Variants in TRIM67 observed in about 807,000 individuals in gnomAD.
TRIM67 encodes tripartite motif containing 67.
TRIM67 carries 39 observed loss-of-function variants against 71.0 expected under a neutral mutation model. The observed-to-expected ratio is 0.55, with a 90% CI of 0.43 to 0.72. The LOEUF (loss-of-function observed/expected upper bound fraction) is 0.72, where lower values mean the gene tolerates loss of function less well. TRIM67 is among the 30% of genes least tolerant of loss of function. The pLI, the probability that TRIM67 is intolerant of heterozygous loss-of-function variation, is 0.00. For missense variants in TRIM67, 973 were observed against 1,079.2 expected (o/e 0.90, Z 1.38); for synonymous variants, 481 against 473.9 (o/e 1.01, Z -0.19).
At chr1:231,170,908 TAA>T (rs891134042) in intron 1 of TRIM67, among the ~76,000 whole-genome samples, 26 of 152,324 alleles carry the variant, frequency 1.7e-4, no homozygotes, top group Admixed American at 1.6e-3. Context: ...GGTCGCAATC[TAA>T]GTGTGGGCCT....
chr1:231,199,254 G>A lies in TRIM67; in HGVS notation c.1263+85G>A, dbSNP rs562054231. 1.6e-5 allele frequency: 21 copies of A among 1,302,152 alleles called. No homozygotes were observed. The South Asian group carries it at 2.4e-4, about 15-fold the overall frequency. 80.7% of individuals were successfully genotyped at this position (1,302,152 alleles called of 1,614,324 possible). ...GGTGGAGCACAGAGTAGGCACTGGG[G>A]AAATAACAGCTAAGTGAGTGAATGA... On this transcript the variant is annotated intron_variant, in intron 3 of 9. Coordinates refer to ENST00000366653, the MANE Select transcript of TRIM67 (RefSeq NM_001004342.5).
rs1179088288 is a variant in TRIM67 at position 231,209,010 on chromosome 1, A to G, written c.1883A>G (p.Gln628Arg). ...GACATCATTTTATCCAATGACAACC[A>G]GACAGCCACCTGCAGCAGCTATGAC... ...HRDIILSNDN[Q>R]TATCSSYDDR... Residue 628 changes from glutamine to arginine, a missense_variant, in exon 8 of 10, where the codon CAG (glutamine) becomes CGG (arginine). By Grantham distance (43) the Gln-to-Arg change is conservative (BLOSUM62 1). Transcript: ENST00000366653. The surrounding 1 kb of genome is among the most constrained non-coding windows in gnomAD (Gnocchi z 4.1). 9.3e-6 allele frequency: 15 copies of G among 1,612,436 alleles called. 1 individual carries two copies. In the South Asian group the frequency reaches 1.6e-4, roughly 18 times the overall value.
intron 6 of TRIM67, among the ~76,000 whole-genome samples, chr1:231,205,721 G>A (rs1285431798): frequency 2.2e-5 from 3 of 134,008 alleles, no homozygotes; most frequent in African/African-American, 9.5e-5. Flanking sequence ...GTAAGACTCT[G>A]TCTCAAAAAA....
At chr1:231,189,813 A>G (rs1025144987) in intron 1 of TRIM67, among the ~76,000 whole-genome samples, 1 of 152,100 alleles carries the variant, frequency 6.6e-6, no homozygotes, top group African/African-American at 2.4e-5. Context: ...AGGATTCAAC[A>G]TATGAATCTG....
In TRIM67 at chr1:231,213,876, A is replaced by G; in HGVS notation, c.2185A>G (p.Thr729Ala). The change falls in exon 9 of 10, where the codon ACT becomes GCT. Residue 729 changes from threonine to alanine, a missense_variant. Transcript: ENST00000366653. ...VGVLLDLNKHTLTFFINGQQQ... is the reference protein window; with the variant it reads ...VGVLLDLNKHALTFFINGQQQ... ...CGTGCTGCTGGACCTGAATAAGCAC[A>G]CTCTCACCTTCTTCATCAACGGGCA... The G allele has an allele frequency of 6.2e-7, 1 of 1,613,558 alleles. No individual in the cohort carries two copies. The highest frequency in any genetic ancestry group is 1.1e-5 in the South Asian group (1 of 91,058).
chr1:231,207,021 G>A (rs1397076700), intron 7 of TRIM67, among the ~76,000 whole-genome samples: 1 of 152,188 alleles, frequency 6.6e-6, no homozygotes, highest in Non-Finnish European at 1.5e-5. Context: ...GGGAAAGGAT[G>A]AGCTGCTGAA....
In TRIM67 at chr1:231,162,984, G is replaced by A. The variant is rs746815875; in HGVS notation, c.15G>A (p.Leu5=). 1 of 1,612,232 alleles carries A rather than the reference G, an allele frequency of 6.2e-7. No individual in the cohort carries two copies. The change falls in exon 1 of 10, where the codon CTG becomes CTA. Residue 5 remains leucine, a synonymous_variant. Transcript: ENST00000366653. ...CCGGCGCCGCGATGGAGGAAGAGCT[G>A]AAGTGTCCCGTGTGCGGCTCTCTGT... is the stretch of plus-strand genomic sequence containing the variant. MEEE[L]KCPVCGSLFR... is the part of the protein sequence containing the mutation.
At position 231,216,982 on chromosome 1, in the gene TRIM67, T is replaced by A. The variant is rs548978238; in HGVS notation, c.*1542T>A. The A allele has an allele frequency of 2.6e-5, 26 of 985,876 alleles. No individual in the cohort carries two copies. The highest frequency in any genetic ancestry group is 6.1e-5 in the Admixed American group (1 of 16,292). 61.1% of individuals were successfully genotyped at this position (985,876 alleles called of 1,614,324 possible). A position where few individuals can be genotyped will look rare whatever the true frequency, so the allele number is the denominator to read the frequency against. Reference sequence around the variant, plus strand: ...CTGAGGCTGAGAAGTGACTTGTCAATTTGCTGGACTGGATTTTTATAAAAT... The same window carrying A: ...CTGAGGCTGAGAAGTGACTTGTCAAATTGCTGGACTGGATTTTTATAAAAT... On this transcript the variant is annotated 3_prime_UTR_variant, in exon 10 of 10. Coordinates refer to ENST00000366653, the MANE Select transcript of TRIM67 (RefSeq NM_001004342.5).
rs1327241091 is a variant in TRIM67 at position 231,217,963 on chromosome 1, T to G, written c.*2523T>G. On this transcript the variant is annotated 3_prime_UTR_variant, in exon 10 of 10. Transcript: ENST00000366653. ...ACCCTGAGCTTGGGGGCTGGGATTC[T>G]CCCTTTTCTGACTCCTCCAGGAGCC... The G allele has an allele frequency of 8.0e-7, 1 of 1,250,656 alleles. No homozygotes were observed. The highest frequency in any genetic ancestry group is 1.0e-6 in the Non-Finnish European group (1 of 971,278). 77.5% of individuals were successfully genotyped at this position (1,250,656 alleles called of 1,614,324 possible).
intron 1 of TRIM67, among the ~76,000 whole-genome samples, chr1:231,175,566 G>A (rs778215750): frequency 1.3e-5 from 2 of 152,198 alleles, no homozygotes; most frequent in Non-Finnish European, 2.9e-5. Context: ...CATGACACCC[G>A]CACACGCAGC....
intron 1 of TRIM67, among the ~76,000 whole-genome samples, chr1:231,190,435 C>A (rs1683200586): frequency 6.6e-6 from 1 of 152,108 alleles, no homozygotes; most frequent in Admixed American, 6.5e-5. Flanking sequence ...CAGGGGATCT[C>A]CCCCCAGCTC....
rs548413907 is a variant in TRIM67 at position 231,218,233 on chromosome 1, G to A, written c.*2793G>A. The A allele has an allele frequency of 1.7e-3, 1,756 of 1,009,568 alleles. 2 individuals carry two copies. The highest frequency in any genetic ancestry group is 2.0e-3 in the Non-Finnish European group (1,694 of 844,064). The allele number at this position is 1,009,568 out of a possible 1,614,324, so 62.5% of individuals were successfully genotyped here. Reference sequence around the variant, plus strand: ...GGTCATGGAATTCTCATCCACCATCGAATTCCATAACACGTTACATCATGG... The same window carrying A: ...GGTCATGGAATTCTCATCCACCATCAAATTCCATAACACGTTACATCATGG... On this transcript the variant is annotated 3_prime_UTR_variant, in exon 10 of 10. Transcript: ENST00000366653.
rs1683399396 is a variant in TRIM67 at position 231,197,527 on chromosome 1, C to T, written c.1140+61C>T. ...TGTTGAAAGTTTGCACGTTGTGCAT[C>T]GTATTAAGAAGAAAGAGGCGGGGCA... On this transcript the variant is annotated intron_variant, in intron 2 of 9. Transcript: ENST00000366653. 4.2e-5 allele frequency: 63 copies of T among 1,513,948 alleles called. 2 individuals are homozygous for T. The South Asian group carries it at 6.4e-4, about 15-fold the overall frequency. 93.8% of individuals were successfully genotyped at this position (1,513,948 alleles called of 1,614,324 possible).
In TRIM67 at chr1:231,213,885, T is replaced by C; in HGVS notation, c.2194T>C (p.Phe732Leu). The change falls in exon 9 of 10, where the codon TTC (phenylalanine) becomes CTC (leucine). Residue 732 changes from phenylalanine (F) to leucine (L), a missense_variant. Transcript: ENST00000366653. Reference sequence around the variant, plus strand: ...GGACCTGAATAAGCACACTCTCACCTTCTTCATCAACGGGCAGCAGCAGGG... The same window carrying C: ...GGACCTGAATAAGCACACTCTCACCCTCTTCATCAACGGGCAGCAGCAGGG... ...LLDLNKHTLT[F>L]FINGQQQGPT... is the part of the protein sequence containing the mutation. 6.2e-7 allele frequency: 1 copy of C among 1,613,744 alleles called. No homozygotes were observed. The highest frequency in any genetic ancestry group is 8.5e-7 in the Non-Finnish European group (1 of 1,179,760).
Position 231,218,864 on chromosome 1 carries a change from T to G in TRIM67, c.*3424T>G. 1 of 985,408 alleles carries G rather than the reference T, an allele frequency of 1.0e-6. No homozygotes were observed. Among genetic ancestry groups the G allele is most frequent in the Non-Finnish European group, 1.2e-6 (1 of 829,938 alleles). 61.0% of individuals were successfully genotyped at this position (985,408 alleles called of 1,614,324 possible). On this transcript the variant is annotated 3_prime_UTR_variant, in exon 10 of 10. Coordinates refer to ENST00000366653, the MANE Select transcript of TRIM67 (RefSeq NM_001004342.5). ...CAGGCCCACCCTCCTCTTTGCGCCC[T>G]TTCTCTCCCTCTTGGTGCCCCTGCC...
chr1:231,174,595 CCT>C, intron 1 of TRIM67, among the ~76,000 whole-genome samples: 1 of 151,974 alleles, frequency 6.6e-6, no homozygotes, highest in South Asian at 2.1e-4. Flanking sequence ...GTGATTAGCC[CCT>C]CTCCCTCTCC....
At chr1:231,197,093 G>A (rs754601174) in intron 1 of TRIM67, among the ~76,000 whole-genome samples, 2 of 152,182 alleles carry the variant, frequency 1.3e-5, no homozygotes, top group Non-Finnish European at 2.9e-5. Context: ...AAACATCAGG[G>A]GCAGACCTGT....
intron 1 of TRIM67, among the ~76,000 whole-genome samples, chr1:231,194,816 G>A (rs536865778): frequency 1.3e-5 from 2 of 152,230 alleles, no homozygotes; most frequent in South Asian, 4.2e-4. Context: ...CCGAGTAGCT[G>A]GGACTACAAG....
intron 1 of TRIM67, among the ~76,000 whole-genome samples, chr1:231,167,713 C>T (rs944368726): frequency 2.0e-4 from 30 of 152,042 alleles, no homozygotes; most frequent in Admixed American, 3.9e-4. Context: ...CCTTGGCTTC[C>T]CAAAGTGCTA....
Sources: allele counts gnomAD v4.1 joint callset (sites outside exome capture counted in the v4.1 genomes callset), GRCh38; gene constraint gnomAD v4.1.1; non-coding constraint Gnocchi (gnomAD v3.1); transcripts MANE v1.5; gene names NCBI Gene and HGNC (gene_info 2026-07-23, HGNC 2026-07-21).